The following ZFHX3 variants were observed in gnomAD, a reference collection of about 807,000 sequenced individuals.
ZFHX3 encodes the protein zinc finger homeobox protein 3.
A neutral mutation model predicts 279.1 loss-of-function variants in ZFHX3; 42 were observed. The ratio of observed to expected loss-of-function variants is 0.15; its 90% confidence interval spans 0.12 to 0.19. The LOEUF (loss-of-function observed/expected upper bound fraction) is 0.19, where lower values mean the gene tolerates loss of function less well. ZFHX3 is among the 10% of genes least tolerant of loss of function. ZFHX3 has a pLI of 1.00. For synonymous variants in ZFHX3, 2,293 were observed against 1,957.8 expected, an observed-to-expected ratio of 1.17 and a Z score of -4.52; for missense variants, 4,981 against 4,754.0, an observed-to-expected ratio of 1.05 and a Z score of -1.40.
chr16:73,462,021 G>T (rs2018479688), intron 2 of ZFHX3, among the ~76,000 whole-genome samples: 1 of 152,080 alleles, frequency 6.6e-6, no homozygotes, highest in Admixed American at 6.5e-5. Flanking sequence ...CATTTATTCA[G>T]GTCTTCCTTG....
intron 2 of ZFHX3, among the ~76,000 whole-genome samples, chr16:73,493,506 G>C (rs1369580178): frequency 6.6e-6 from 1 of 152,166 alleles, no homozygotes; most frequent in Non-Finnish European, 1.5e-5. Flanking sequence ...AAATGAGTGA[G>C]ATGAAGTAAA....
intron 5 of ZFHX3, among the ~76,000 whole-genome samples, chr16:73,205,391 C>T (rs958357802): frequency 2.0e-5 from 3 of 152,304 alleles, no homozygotes; most frequent in African/African-American, 7.2e-5. Context: ...ATTGTATTTA[C>T]TTTTGCTCTC....
At chr16:73,468,497 AGG>A (rs2018610228) in intron 2 of ZFHX3, among the ~76,000 whole-genome samples, 1 of 152,190 alleles carries the variant, frequency 6.6e-6, no homozygotes, top group African/African-American at 2.4e-5. Flanking sequence ...GCACTTTGGG[AGG>A]CCCAGACAGG....
At chr16:73,042,871 C>A (rs1162761745) in intron 1 of ZFHX3, among the ~76,000 whole-genome samples, 1 of 151,972 alleles carries the variant, frequency 6.6e-6, no homozygotes, top group African/African-American at 2.4e-5. Flanking sequence ...GACCCACTTA[C>A]AATTAAACTC....
At position 73,203,189 on chromosome 16, in the gene ZFHX3, G is replaced by A. The variant is rs2011670408; in HGVS notation, c.-1104+53858C>T. ...TCTTCCATATGCCTGGAATGGCCTT[G>A]AGGGTCGAGACTATGCATCAACTGA... On this transcript the variant is annotated intron_variant, in intron 5 of 17. Transcript: ENST00000641206. 2.0e-5 allele frequency among the ~76,000 whole-genome samples: 3 copies of A among 152,208 alleles called. No individual in the cohort carries two copies. In the South Asian group the frequency reaches 6.2e-4, roughly 32 times the overall value.
At chr16:73,329,945 T>G (rs1407227014) in intron 3 of ZFHX3, among the ~76,000 whole-genome samples, 1 of 152,186 alleles carries the variant, frequency 6.6e-6, no homozygotes, top group Non-Finnish European at 1.5e-5. Flanking sequence ...TGGGCTCTTC[T>G]GGGACTGGCT....
intron 5 of ZFHX3, among the ~76,000 whole-genome samples, chr16:73,175,129 C>T (rs1967631942): frequency 6.6e-6 from 1 of 151,690 alleles, no homozygotes; most frequent in Admixed American, 6.6e-5. Flanking sequence ...CCTCTAATTC[C>T]AGCACTTTGG....
In ZFHX3 at chr16:73,712,413, ATC is replaced by A. The variant is rs1299240293; in HGVS notation, c.-1607-32175_-1607-32174del. ...CTCAATTCAAACCCAGGCCTCTGAA[ATC>A]TCTGACCCTTCCCCAGCCCCTGCCC... On this transcript the variant is annotated intron_variant, in intron 1 of 17. Transcript: ENST00000641206. Among the ~76,000 whole-genome samples the A allele has an allele frequency of 3.1e-4, 47 of 152,012 alleles. 1 individual carries two copies. The highest frequency in any genetic ancestry group is 3.1e-3 in the Admixed American group (47 of 15,258).
At chr16:73,272,032 G>C (rs1350572776) in intron 4 of ZFHX3, among the ~76,000 whole-genome samples, 1 of 152,168 alleles carries the variant, frequency 6.6e-6, no homozygotes, top group Non-Finnish European at 1.5e-5. Flanking sequence ...ACCTCAGGGA[G>C]GCTGTATAAC....
chr16:72,835,676 G>A (rs2037174868), intron 4 of ZFHX3, among the ~76,000 whole-genome samples: 1 of 152,080 alleles, frequency 6.6e-6, no homozygotes, highest in African/African-American at 2.4e-5. Context: ...GCTACAAGTG[G>A]CGTTTGCTGG....
At chr16:73,247,845 T>C (rs1254934427) in intron 5 of ZFHX3, among the ~76,000 whole-genome samples, 2 of 152,068 alleles carry the variant, frequency 1.3e-5, no homozygotes, top group East Asian at 3.9e-4. Context: ...ATAATGTGTC[T>C]GTGTCTATGT....
chr16:73,068,253 C>A (rs374581292), intron 8 of ZFHX3, among the ~76,000 whole-genome samples: 7 of 152,336 alleles, frequency 4.6e-5, no homozygotes, highest in African/African-American at 1.7e-4. Context: ...AAAGCTATTT[C>A]TATTACACCA....
intron 4 of ZFHX3, among the ~76,000 whole-genome samples, chr16:72,854,817 A>G (rs938620275): frequency 6.6e-6 from 1 of 151,696 alleles, no homozygotes; most frequent in African/African-American, 2.4e-5. Context: ...ACCCTTCTTA[A>G]CACTTAGCTG....
In ZFHX3 at chr16:72,974,651, T is replaced by C. The variant is rs568951342; in HGVS notation, c.-49-14457A>G. 5.3e-5 allele frequency among the ~76,000 whole-genome samples: 8 copies of C among 151,980 alleles called. No homozygotes were observed. In the South Asian group the frequency reaches 1.0e-3, roughly 20 times the overall value. ...GCGAGTTCTTCAGATATCCCTGGCC[T>C]GCTGGCATAAAGAGCTTTTCAAGCA... On this transcript the variant is annotated intron_variant, in intron 1 of 9. Coordinates refer to ENST00000268489, the MANE Select transcript of ZFHX3 (RefSeq NM_006885.4).
chr16:72,890,070 C>G, intron 3 of ZFHX3, 108 bp from the exon 4 acceptor site: 1 of 924,966 alleles, frequency 1.1e-6, no homozygotes, highest in Non-Finnish European at 1.6e-6. Flanking sequence ...CTCCAGGGGA[C>G]ACATCTCCAC....
chr16:72,961,771 C>T (rs1961590531), intron 1 of ZFHX3, among the ~76,000 whole-genome samples: 5 of 152,146 alleles, frequency 3.3e-5, no homozygotes, highest in African/African-American at 9.7e-5. Flanking sequence ...GTGTCTAATA[C>T]ACACATGCAA....
At chr16:73,257,799 C>T (rs1487720508) in intron 4 of ZFHX3, among the ~76,000 whole-genome samples, 1 of 152,212 alleles carries the variant, frequency 6.6e-6, no homozygotes, top group Non-Finnish European at 1.5e-5. Flanking sequence ...GGCCTAACAA[C>T]CTTACAGGTT....
chr16:73,108,904 A>G (rs2144796465), intron 7 of ZFHX3, among the ~76,000 whole-genome samples: 1 of 152,330 alleles, frequency 6.6e-6, no homozygotes, highest in South Asian at 2.1e-4. Flanking sequence ...TCTGGCCGTT[A>G]TGGGGCTGGA....
intron 1 of ZFHX3, among the ~76,000 whole-genome samples, chr16:73,019,285 G>A (rs887251346): frequency 1.4e-4 from 21 of 152,110 alleles, no homozygotes; most frequent in African/African-American, 4.8e-4. Context: ...AGGACATGAC[G>A]CCAAGCCCCA....
Sources: allele counts gnomAD v4.1 joint callset (sites outside exome capture counted in the v4.1 genomes callset), GRCh38; gene constraint gnomAD v4.1.1; transcripts MANE v1.5; gene names NCBI Gene and HGNC (gene_info 2026-07-23, HGNC 2026-07-21).